The following PCDHGB3 variants were observed in gnomAD, a reference collection of about 807,000 sequenced individuals.
PCDHGB3 encodes the protein protocadherin gamma-B3.
Under a neutral mutation model 59.2 loss-of-function variants are expected in PCDHGB3, and 40 were observed. The observed-to-expected ratio is 0.68, with a 90% CI of 0.52 to 0.88. PCDHGB3 has a LOEUF of 0.88. Ranked by LOEUF, PCDHGB3 falls within the 40% of genes least tolerant of loss-of-function variation. The pLI is 0.00. For synonymous variants in PCDHGB3, 581 were observed against 503.6 expected (o/e 1.15, Z -2.06); for missense variants, 1,309 against 1,187.9 (o/e 1.10, Z -1.50).
intron 2 of PCDHGB3, among the ~76,000 whole-genome samples, chr5:141,497,643 G>A (rs773129390): frequency 6.6e-6 from 1 of 151,192 alleles, no homozygotes; most frequent in African/African-American, 2.4e-5. Context: ...AGGTTCAAGC[G>A]ATTCTCCTGC....
At chr5:141,376,357 A>C (rs769629850) in intron 1 of PCDHGB3, 24 of 1,613,894 alleles carry the variant, frequency 1.5e-5, no homozygotes, top group Admixed American at 1.0e-4. Context: ...ACGAGGTCTC[A>C]CTCACTGCAG....
In PCDHGB3 at chr5:141,477,116, G is replaced by A. The variant is rs771557201; in HGVS notation, c.2416-17691G>A. ...AGACAAGGGCGCCAATCCCGAAGGA[G>A]CACATTGCAAAGTGTTGGTGGAGGT... On this transcript the variant is annotated intron_variant, in intron 1 of 3. Transcript: ENST00000576222. This position sits in a 1 kb window ranked among gnomAD's most constrained non-coding sequence, Gnocchi z 4.9. 1 of 1,614,252 alleles carries A rather than the reference G, an allele frequency of 6.2e-7. No homozygotes were observed. The highest frequency in any genetic ancestry group is 8.5e-7 in the Non-Finnish European group (1 of 1,180,052).
In PCDHGB3 at chr5:141,491,081, C is replaced by T; in HGVS notation, c.2416-3726C>T. The T allele has an allele frequency of 6.2e-7, 1 of 1,614,176 alleles. No individual in the cohort carries two copies. The highest frequency in any genetic ancestry group is 8.5e-7 in the Non-Finnish European group (1 of 1,180,010). On this transcript the variant is annotated intron_variant, in intron 1 of 3. Coordinates refer to ENST00000576222, the MANE Select transcript of PCDHGB3 (RefSeq NM_018924.5). The surrounding 1 kb of genome is among the most constrained non-coding windows in gnomAD (Gnocchi z 6.9). Reference sequence around the variant, plus strand: ...TCCTACTCACTGTTGCCACAGTCCACAGCCCCAGGACTGTTCCTCGTGTCT... The same window carrying T: ...TCCTACTCACTGTTGCCACAGTCCATAGCCCCAGGACTGTTCCTCGTGTCT...
chr5:141,394,361 G>A (rs2092984834), intron 1 of PCDHGB3: 15 of 1,614,072 alleles, frequency 9.3e-6, no homozygotes, highest in Non-Finnish European at 1.2e-5. Context: ...TCCTGTATGC[G>A]CTGCAATCTT....
chr5:141,428,223 A>C (rs539110667), intron 1 of PCDHGB3: 30 of 1,169,680 alleles, frequency 2.6e-5, no homozygotes, highest in Admixed American at 2.5e-4. Flanking sequence ...TAGTCTTCGC[A>C]GACAGCCTGC....
At chr5:141,415,810 T>TATATATC in intron 1 of PCDHGB3, 1 of 1,360,418 alleles carries the variant, frequency 7.4e-7, no homozygotes, top group Non-Finnish European at 9.5e-7. Flanking sequence ...AATCAAGGCC[T>TATATATC]ATATATCATA....
At position 141,489,886 on chromosome 5, in the gene PCDHGB3, G is replaced by A; in HGVS notation, c.2416-4921G>A. ...ACATCAGCTGGTGCTTACTGCTGTG[G>A]ATGGGGGGACCCCAGCCCGCTCAGG... is the stretch of plus-strand genomic sequence containing the variant. On this transcript the variant is annotated intron_variant, in intron 1 of 3. Transcript: ENST00000576222. This position sits in a 1 kb window ranked among gnomAD's most constrained non-coding sequence, Gnocchi z 4.5. 6.2e-7 allele frequency: 1 copy of A among 1,614,256 alleles called. No individual in the cohort carries two copies. The highest frequency in any genetic ancestry group is 8.5e-7 in the Non-Finnish European group (1 of 1,180,044).
intron 1 of PCDHGB3, chr5:141,478,106 G>T: frequency 6.2e-7 from 1 of 1,614,046 alleles, no homozygotes; most frequent in Non-Finnish European, 8.5e-7. Flanking sequence ...TACCCTCACT[G>T]TGTCAGTAAC....
At position 141,489,297 on chromosome 5, in the gene PCDHGB3, G is replaced by A. The variant is rs184934961; in HGVS notation, c.2416-5510G>A. 5.1e-6 allele frequency: 8 copies of A among 1,583,774 alleles called. No homozygotes were observed. Among genetic ancestry groups the A allele is most frequent in the Non-Finnish European group, 6.9e-6 (8 of 1,164,904 alleles). ...GGAAATGGCAAGTGCTGTGCATGTT[G>A]TCCTTGTGCTGCTGGGGCTGGGTGT... is the stretch of plus-strand genomic sequence containing the variant. On this transcript the variant is annotated intron_variant, in intron 1 of 3. Coordinates refer to ENST00000576222, the MANE Select transcript of PCDHGB3 (RefSeq NM_018924.5). This position sits in a 1 kb window ranked among gnomAD's most constrained non-coding sequence, Gnocchi z 4.5.
chr5:141,422,052 CG>C (rs1282698929), intron 1 of PCDHGB3: 1 of 1,611,298 alleles, frequency 6.2e-7, no homozygotes, highest in South Asian at 1.1e-5. Context: ...AGGGAATCAA[CG>C]GGGAAGTAAT....
intron 1 of PCDHGB3, among the ~76,000 whole-genome samples, chr5:141,426,066 A>T (rs1488003387): frequency 6.6e-6 from 1 of 152,196 alleles, no homozygotes; most frequent in Admixed American, 6.5e-5. Context: ...CAAGAACTGG[A>T]GCCTGGGATC....
chr5:141,434,906 C>A lies in PCDHGB3; in HGVS notation c.2416-59901C>A, dbSNP rs1044434492. ...AACAATCCAGTCCCCTTCCCTCATA[C>A]CTTATTTATGTACATATATTTTATA... On this transcript the variant is annotated intron_variant, in intron 1 of 3. Coordinates refer to ENST00000576222, the MANE Select transcript of PCDHGB3 (RefSeq NM_018924.5). Among the ~76,000 whole-genome samples the A allele has an allele frequency of 2.0e-5, 3 of 151,752 alleles. No individual in the cohort carries two copies. In the South Asian group the frequency reaches 6.2e-4, roughly 32 times the overall value.
intron 1 of PCDHGB3, chr5:141,394,374 G>A: frequency 1.2e-6 from 2 of 1,614,172 alleles, no homozygotes; most frequent in South Asian, 1.1e-5. Flanking sequence ...GCAATCTTTC[G>A]ACTATGAGCA....
rs191354649 is a variant in PCDHGB3 at position 141,510,446 on chromosome 5, C to T, written c.2564-501C>T. 8.9e-4 allele frequency among the ~76,000 whole-genome samples: 135 copies of T among 152,154 alleles called. 1 individual carries two copies. Among genetic ancestry groups the T allele is most frequent in the Non-Finnish European group, 1.7e-3 (114 of 68,010 alleles). On this transcript the variant is annotated intron_variant, in intron 3 of 3. Coordinates refer to ENST00000576222, the MANE Select transcript of PCDHGB3 (RefSeq NM_018924.5). ...TTTCATGGCTGCTGCCCTCCAGGAG[C>T]CCATGGTCTAGTGTGGGAGTCAGAG...
intron 1 of PCDHGB3, chr5:141,419,057 A>T: frequency 6.2e-7 from 1 of 1,613,900 alleles, no homozygotes; most frequent in East Asian, 2.2e-5. Flanking sequence ...TTCTTCTAAT[A>T]ATTACTACAA....
rs773729429 is a variant in PCDHGB3, at chr5:141,491,406, C to T, written c.2416-3401C>T. ...CGAAGTGCCTTCAGGGAAACGCAGA[C>T]GGGGACGGGGGTGGAGGGCAGTGCT... On this transcript the variant is annotated intron_variant, in intron 1 of 3. Transcript: ENST00000576222. The surrounding 1 kb of genome is among the most constrained non-coding windows in gnomAD (Gnocchi z 6.9). The T allele has an allele frequency of 1.2e-6, 2 of 1,614,096 alleles. No homozygotes were observed. The highest frequency in any genetic ancestry group is 1.7e-6 in the Non-Finnish European group (2 of 1,179,990).
rs753503057 is a variant in PCDHGB3 at position 141,400,154 on chromosome 5, T to A, written c.2415+27345T>A. 8 of 1,614,074 alleles carry A rather than the reference T, an allele frequency of 5.0e-6. 1 individual carries two copies. In the South Asian group the frequency reaches 6.6e-5, roughly 13 times the overall value. On this transcript the variant is annotated intron_variant, in intron 1 of 3. Coordinates refer to ENST00000576222, the MANE Select transcript of PCDHGB3 (RefSeq NM_018924.5). ...CTGCCGGATATCACTGACCGCCCTG[T>A]ACCCTCTGACCCCCAGGCTGAGCTG...
intron 1 of PCDHGB3, among the ~76,000 whole-genome samples, chr5:141,471,692 C>A (rs1293253544): frequency 6.6e-6 from 1 of 152,118 alleles, no homozygotes; most frequent in African/African-American, 2.4e-5. Context: ...TTCTGAAATT[C>A]TGGCTGGAAT....
In PCDHGB3 at chr5:141,491,443, G is replaced by C. The variant is rs955584868; in HGVS notation, c.2416-3364G>C. On this transcript the variant is annotated intron_variant, in intron 1 of 3. Transcript: ENST00000576222. This position sits in a 1 kb window ranked among gnomAD's most constrained non-coding sequence, Gnocchi z 6.9. ...TGGAGGGCAGTGCTGCAGGCGCCAG[G>C]ACTCACCCTCCCCGGACTTCTATAA... 1 of 1,613,998 alleles carries C rather than the reference G, an allele frequency of 6.2e-7. No homozygotes were observed. Among genetic ancestry groups the C allele is most frequent in the Admixed American group, 1.7e-5 (1 of 60,000 alleles).
Sources: allele counts gnomAD v4.1 joint callset (sites outside exome capture counted in the v4.1 genomes callset), GRCh38; gene constraint gnomAD v4.1.1; non-coding constraint Gnocchi (gnomAD v3.1); transcripts MANE v1.5; gene names NCBI Gene and HGNC (gene_info 2026-07-23, HGNC 2026-07-21).